Variants in ADGRL2 observed in about 807,000 individuals in gnomAD.
ADGRL2 encodes the protein adhesion G protein-coupled receptor L2.
A neutral mutation model predicts 157.4 loss-of-function variants in ADGRL2; 44 were observed. The observed-to-expected ratio is 0.28, with a 90% CI of 0.22 to 0.36. The LOEUF (loss-of-function observed/expected upper bound fraction) is 0.36. Ranked by LOEUF, ADGRL2 falls within the 10% of genes least tolerant of loss-of-function variation. The pLI is 1.00. For synonymous variants in ADGRL2, 585 were observed against 624.7 expected, an observed-to-expected ratio of 0.94 and a Z score of 0.95; for missense variants, 1,510 against 1,768.9, an observed-to-expected ratio of 0.85 and a Z score of 2.63.
chr1:81,803,820 C>T (rs142638610), intron 1 of ADGRL2, among the ~76,000 whole-genome samples: 1 of 152,274 alleles, frequency 6.6e-6, no homozygotes, highest in African/African-American at 2.4e-5. Flanking sequence ...TTCCCCTTTC[C>T]AGAGGCATAG....
At chr1:81,542,776 G>A (rs2079916806) in intron 2 of ADGRL2, among the ~76,000 whole-genome samples, 1 of 152,014 alleles carries the variant, frequency 6.6e-6, no homozygotes, top group Non-Finnish European at 1.5e-5. Flanking sequence ...AGCTCAATAG[G>A]AATATAAAGG....
At chr1:81,363,399 G>A (rs376063193) in intron 1 of ADGRL2, among the ~76,000 whole-genome samples, 3 of 151,866 alleles carry the variant, frequency 2.0e-5, no homozygotes, top group Admixed American at 1.3e-4. Flanking sequence ...TATACATAAC[G>A]AATTTTCCAT....
intron 1 of ADGRL2, among the ~76,000 whole-genome samples, chr1:81,747,305 A>AT (rs1406668002): frequency 1.4e-4 from 19 of 139,752 alleles, no homozygotes; most frequent in African/African-American, 3.6e-4. Context: ...ATATATATAT[A>AT]TATTTTTTTT....
At chr1:81,564,876 T>A (rs1305569762) in intron 2 of ADGRL2, among the ~76,000 whole-genome samples, 1 of 152,150 alleles carries the variant, frequency 6.6e-6, no homozygotes, top group African/African-American at 2.4e-5. Flanking sequence ...AATGAATGTC[T>A]TATGGTAGCC....
chr1:81,958,122 T>TG (rs112258299), intron 11 of ADGRL2, among the ~76,000 whole-genome samples: 12,325 of 151,846 alleles, frequency 0.081, 581 homozygotes, highest in African/African-American at 0.14. Context: ...CCAGGCGTGG[T>TG]GGGGGGTGCC....
At chr1:81,450,933 A>G (rs550726105) in intron 2 of ADGRL2, among the ~76,000 whole-genome samples, 14 of 152,244 alleles carry the variant, frequency 9.2e-5, no homozygotes, top group Non-Finnish European at 1.8e-4. Context: ...CCATAAACTT[A>G]TTTCTCAATG....
chr1:81,581,956 C>G (rs1361891244), intron 3 of ADGRL2, among the ~76,000 whole-genome samples: 7 of 151,980 alleles, frequency 4.6e-5, no homozygotes, highest in Admixed American at 1.3e-4. Context: ...CATGGTGGCT[C>G]ACACCTATAA....
chr1:81,839,917 A>C (rs1262650738), intron 2 of ADGRL2, among the ~76,000 whole-genome samples: 2 of 129,682 alleles, frequency 1.5e-5, no homozygotes, highest in Admixed American at 8.0e-5. Flanking sequence ...TTTCCATCAT[A>C]TATATATGAT....
intron 1 of ADGRL2, among the ~76,000 whole-genome samples, chr1:81,823,370 C>CT (rs71242582): frequency 1.0e-5 from 1 of 99,308 alleles, no homozygotes; most frequent in Non-Finnish European, 2.1e-5. Context: ...TTCCTTCCCT[C>CT]CCCCCTCCCT....
At chr1:81,677,257 T>C (rs2083015463) in intron 3 of ADGRL2, among the ~76,000 whole-genome samples, 4 of 151,996 alleles carry the variant, frequency 2.6e-5, no homozygotes, top group Admixed American at 2.6e-4. Flanking sequence ...AGTGCTGGGA[T>C]TATAGGCATG....
intron 3 of ADGRL2, among the ~76,000 whole-genome samples, chr1:81,628,792 A>G (rs1035377400): frequency 2.6e-5 from 4 of 152,206 alleles, no homozygotes; most frequent in African/African-American, 9.7e-5. Flanking sequence ...ACCTCTTCTC[A>G]AATCAGAGAA....
At chr1:81,951,455 A>G (rs570192522) in intron 8 of ADGRL2, among the ~76,000 whole-genome samples, 6 of 152,336 alleles carry the variant, frequency 3.9e-5, no homozygotes, top group Non-Finnish European at 7.4e-5. Context: ...GAATGCAAGC[A>G]GATGTTTATA....
rs141149609 is a variant in ADGRL2 at position 81,417,471 on chromosome 1, A to G, written c.-301-27565A>G. ...GTTTTTCATGATTTTAGAGAATAGT[A>G]AGATAAGTGATGTTTTCCTTCTTAT... On this transcript the variant is annotated intron_variant, in intron 1 of 24. Transcript: ENST00000370721. Among the ~76,000 whole-genome samples, 89 of 152,328 alleles carry G rather than the reference A, an allele frequency of 5.8e-4. 1 individual carries two copies. The highest frequency in any genetic ancestry group is 2.1e-3 in the African/African-American group (89 of 41,578).
intron 1 of ADGRL2, among the ~76,000 whole-genome samples, chr1:81,711,548 C>A (rs1273910751): frequency 6.6e-6 from 1 of 152,132 alleles, no homozygotes; most frequent in African/African-American, 2.4e-5. Flanking sequence ...TTTAAAAAGA[C>A]ATACTTAAAA....
intron 3 of ADGRL2, among the ~76,000 whole-genome samples, chr1:81,616,679 C>CTTTTTTTTTTTTTTTTT (rs1164087131): frequency 1.0e-3 from 110 of 105,958 alleles, no homozygotes; most frequent in Non-Finnish European, 1.4e-3. Context: ...CTTTTCTTTT[C>CTTTTTTTTTTTTTTTTT]TTTTTTTTTT....
At chr1:81,903,385 A>G (rs1432946600) in intron 2 of ADGRL2, among the ~76,000 whole-genome samples, 1 of 152,156 alleles carries the variant, frequency 6.6e-6, no homozygotes, top group East Asian at 1.9e-4. Flanking sequence ...CTTATAAAAT[A>G]AATCTTGTTA....
At chr1:81,890,122 T>G (rs905306075) in intron 2 of ADGRL2, among the ~76,000 whole-genome samples, 1 of 152,202 alleles carries the variant, frequency 6.6e-6, no homozygotes, top group Non-Finnish European at 1.5e-5. Flanking sequence ...TTTCCTGATA[T>G]AGTTTATGCT....
intron 3 of ADGRL2, among the ~76,000 whole-genome samples, chr1:81,912,765 AT>A (rs1314694086): frequency 6.6e-6 from 1 of 152,158 alleles, no homozygotes; most frequent in East Asian, 1.9e-4. Flanking sequence ...GATGATGAAG[AT>A]TTTTATTCTA....
In ADGRL2 at chr1:81,989,749, G is replaced by T; in HGVS notation, c.3656-642G>T. The T allele has an allele frequency of 1.9e-6, 3 of 1,603,280 alleles. No individual in the cohort carries two copies. In the South Asian group the frequency reaches 3.4e-5, roughly 18 times the overall value. ...CTGCTGTCTATCGTGATGTTGGATG[G>T]TGCTTGTGGGCCCCTGGTCCAGTCA... On this transcript the variant is annotated intron_variant, in intron 23 of 23. Coordinates refer to ENST00000686636, the MANE Select transcript of ADGRL2 (RefSeq NM_001366006.2).
Sources: gnomAD v4.1 joint callset for allele counts (sites outside exome capture counted in the v4.1 genomes callset) on GRCh38, gnomAD v4.1.1 for gene constraint, MANE v1.5 for transcripts, NCBI Gene and HGNC (gene_info 2026-07-23, HGNC 2026-07-21) for gene names.